The following MACROD2 variants were observed in gnomAD, a reference collection of about 807,000 sequenced individuals.
MACROD2 encodes mono-ADP ribosylhydrolase 2.
In MACROD2, 36 loss-of-function variants were observed where a neutral mutation model predicts 70.4. The observed-to-expected ratio is 0.51, with a 90% confidence interval of 0.39 to 0.68. The LOEUF is 0.68. MACROD2 is among the 30% of genes least tolerant of loss of function. The probability of loss-of-function intolerance (pLI) is 0.00; values close to 1 mark genes in which losing one functional copy is unlikely to be tolerated. For synonymous variants in MACROD2, 172 were observed against 178.8 expected (o/e 0.96, Z 0.30); for missense variants, 496 against 538.4 (o/e 0.92, Z 0.78).
chr20:15,649,208 TTCTTTC>T (rs1281885969), intron 8 of MACROD2, among the ~76,000 whole-genome samples: 2 of 368 alleles, frequency 5.4e-3, no homozygotes, highest in Non-Finnish European at 0.012. Flanking sequence ...CTTTCTTTCC[TTCTTTC>T]TTTCTTTCTT....
intron 9 of MACROD2, among the ~76,000 whole-genome samples, chr20:15,867,870 C>A (rs2064515867): frequency 6.6e-6 from 1 of 152,166 alleles, no homozygotes; most frequent in Admixed American, 6.5e-5. Context: ...GAAAAACCAA[C>A]CTTTGTTTAC....
rs564817153 is a variant in MACROD2 at position 15,151,227 on chromosome 20, C to T, written c.419-78713C>T. Among the ~76,000 whole-genome samples, 31 of 152,060 alleles carry T rather than the reference C, an allele frequency of 2.0e-4. No homozygotes were observed. The East Asian group carries it at 4.8e-3, about 24-fold the overall frequency. Reference sequence around the variant, plus strand: ...AGTGGGGTCCCACAGAGATGGGACGCGGCTTACGAGGAATCCCAGGCTGCA... The same window carrying T: ...AGTGGGGTCCCACAGAGATGGGACGTGGCTTACGAGGAATCCCAGGCTGCA... On this transcript the variant is annotated intron_variant, in intron 5 of 17. Transcript: ENST00000684519.
chr20:15,044,492 C>T (rs2075378317), intron 5 of MACROD2, among the ~76,000 whole-genome samples: 1 of 152,158 alleles, frequency 6.6e-6, no homozygotes, highest in African/African-American at 2.4e-5. Context: ...CAGACCCACT[C>T]TTCCCATCTT....
chr20:15,861,926 A>G (rs1420122076), intron 8 of MACROD2, among the ~76,000 whole-genome samples: 1 of 152,220 alleles, frequency 6.6e-6, no homozygotes, highest in Non-Finnish European at 1.5e-5. Context: ...TGTTGTTAAA[A>G]CAAAATAACT....
intron 5 of MACROD2, among the ~76,000 whole-genome samples, chr20:14,944,868 C>T (rs2074417857): frequency 6.6e-6 from 1 of 152,054 alleles, no homozygotes. Context: ...TCTGCCTGCC[C>T]GTCCCACAAC....
rs748518747 is a variant in MACROD2, at chr20:14,326,544, T to C, written c.272-166935T>C. ...GCACGTTGACCTTCACAGGTAGTGA[T>C]TGTAACCAGTCACGTACCCATTTCA... On this transcript the variant is annotated intron_variant, in intron 3 of 17. Transcript: ENST00000684519. The surrounding 1 kb of genome is among the most constrained non-coding windows in gnomAD (Gnocchi z 5.5). The C allele has an allele frequency of 8.1e-6, 13 of 1,613,804 alleles. No individual in the cohort carries two copies. The highest frequency in any genetic ancestry group is 7.7e-5 in the South Asian group (7 of 91,088).
At chr20:15,132,724 C>A (rs902718965) in intron 5 of MACROD2, among the ~76,000 whole-genome samples, 22 of 151,930 alleles carry the variant, frequency 1.4e-4, no homozygotes, top group African/African-American at 5.3e-4. Flanking sequence ...AAATGCAAGA[C>A]CATTTTGCTA....
chr20:15,624,102 C>G (rs1357711648), intron 8 of MACROD2, among the ~76,000 whole-genome samples: 2 of 152,082 alleles, frequency 1.3e-5, no homozygotes, highest in Non-Finnish European at 2.9e-5. Context: ...GCCAAAGGCT[C>G]GAGAGCCCCT....
At chr20:14,038,444 G>A (rs2053347610) in intron 2 of MACROD2, among the ~76,000 whole-genome samples, 1 of 152,204 alleles carries the variant, frequency 6.6e-6, no homozygotes, top group Admixed American at 6.5e-5. Context: ...TCAGGAAACT[G>A]AGGCACAGAG....
At position 15,968,797 on chromosome 20, in the gene MACROD2, G is replaced by A. The variant is rs1290586290; in HGVS notation, c.985+1167G>A. 1.2e-3 allele frequency among the ~76,000 whole-genome samples: 124 copies of A among 106,802 alleles called. 3 individuals are homozygous for A. The highest frequency in any genetic ancestry group is 1.5e-3 in the Non-Finnish European group (79 of 52,070). 70.1% of individuals were successfully genotyped at this position (106,802 alleles called of 152,430 possible). On this transcript the variant is annotated intron_variant, in intron 13 of 17. Coordinates refer to ENST00000684519, the MANE Select transcript of MACROD2 (RefSeq NM_001351661.2). ...AAACATATAATATTATATATTATGCGTATATATATATATATATATATATAT... is the reference window on the plus strand; with the variant it reads ...AAACATATAATATTATATATTATGCATATATATATATATATATATATATAT...
intron 5 of MACROD2, among the ~76,000 whole-genome samples, chr20:14,965,865 A>C (rs566857321): frequency 6.6e-6 from 1 of 152,288 alleles, no homozygotes; most frequent in East Asian, 1.9e-4. Context: ...AACAACATAC[A>C]GTAACTGGAA....
At chr20:14,094,236 T>C (rs2054192210) in intron 3 of MACROD2, among the ~76,000 whole-genome samples, 1 of 152,178 alleles carries the variant, frequency 6.6e-6, no homozygotes, top group South Asian at 2.1e-4. Context: ...CTCTGCCCTC[T>C]TTAATGGTGG....
chr20:14,678,082 G>A (rs890018368), intron 4 of MACROD2, among the ~76,000 whole-genome samples: 4 of 152,110 alleles, frequency 2.6e-5, no homozygotes, highest in African/African-American at 9.7e-5. Context: ...AAGTGGGAGT[G>A]GAGCTGTGTT....
At chr20:14,544,778 C>T (rs979445789) in intron 4 of MACROD2, among the ~76,000 whole-genome samples, 4 of 152,126 alleles carry the variant, frequency 2.6e-5, no homozygotes, top group Non-Finnish European at 5.9e-5. Context: ...GTCAAGTGTA[C>T]AGAATTTCCC....
intron 3 of MACROD2, among the ~76,000 whole-genome samples, chr20:14,364,404 G>A (rs73266977): frequency 5.8e-4 from 88 of 152,176 alleles, no homozygotes; most frequent in African/African-American, 2.0e-3. Flanking sequence ...TGATTTGTGC[G>A]CTTTGTCCCC....
chr20:15,010,889 T>G (rs1390030782), intron 5 of MACROD2, among the ~76,000 whole-genome samples: 1 of 152,136 alleles, frequency 6.6e-6, no homozygotes. Context: ...GAAATGCCTA[T>G]TTTAGATGTG....
chr20:14,181,781 G>A (rs1475369819), intron 3 of MACROD2, among the ~76,000 whole-genome samples: 1 of 152,074 alleles, frequency 6.6e-6, no homozygotes, highest in African/African-American at 2.4e-5. Context: ...CTAGCATAAT[G>A]CTTTGAAGAG....
intron 5 of MACROD2, among the ~76,000 whole-genome samples, chr20:14,715,118 CA>C (rs1218525495): frequency 6.6e-6 from 1 of 152,120 alleles, no homozygotes; most frequent in Non-Finnish European, 1.5e-5. Context: ...AGGAAACTTA[CA>C]ATCATGGCAG....
chr20:14,753,163 G>T (rs777571499), intron 5 of MACROD2, among the ~76,000 whole-genome samples: 3 of 152,058 alleles, frequency 2.0e-5, no homozygotes, highest in Non-Finnish European at 4.4e-5. Context: ...GCCTCTAAAT[G>T]AAGCAGGTTC....
Sources: gnomAD v4.1 joint callset for allele counts (sites outside exome capture counted in the v4.1 genomes callset) on GRCh38, gnomAD v4.1.1 for gene constraint, Gnocchi (gnomAD v3.1) non-coding constraint, MANE v1.5 for transcripts, NCBI Gene and HGNC (gene_info 2026-07-23, HGNC 2026-07-21) for gene names.